ZNF148: variants seen among roughly 807,000 people sequenced by gnomAD.
ZNF148 encodes Beta-Enolase Repressor Factor-1.
In ZNF148, 7 loss-of-function variants were observed where a neutral mutation model predicts 67.7. The ratio of observed to expected loss-of-function variants is 0.10; its 90% CI spans 0.06 to 0.19. ZNF148 has a LOEUF of 0.19. Among genes scored for constraint, ZNF148 ranks in the 10% least tolerant of loss-of-function variants. ZNF148 has a pLI of 1.00. For synonymous variants in ZNF148, 333 were observed against 330.7 expected (o/e 1.01, Z -0.08); for missense variants, 583 against 947.1 (o/e 0.62, Z 5.05).
chr3:125,270,620 T>G (rs761230724), intron 7 of ZNF148, among the ~76,000 whole-genome samples: 4 of 152,214 alleles, frequency 2.6e-5, no homozygotes, highest in Non-Finnish European at 5.9e-5. Context: ...AAACTTATCT[T>G]GTTTCAGAGT....
intron 2 of ZNF148, among the ~76,000 whole-genome samples, chr3:125,324,926 C>T (rs532800100): frequency 2.7e-4 from 41 of 152,180 alleles, no homozygotes; most frequent in African/African-American, 8.9e-4. Flanking sequence ...TTGCCAGATA[C>T]ACTTTTGTGC....
chr3:125,320,099 A>G (rs1374672992), intron 3 of ZNF148, among the ~76,000 whole-genome samples: 1 of 152,132 alleles, frequency 6.6e-6, no homozygotes, highest in African/African-American at 2.4e-5. Context: ...TCTGTTACTC[A>G]TATCTCAGTG....
chr3:125,354,436 A>G (rs1017961420), intron 1 of ZNF148, among the ~76,000 whole-genome samples: 2 of 152,236 alleles, frequency 1.3e-5, no homozygotes, highest in Non-Finnish European at 2.9e-5. Context: ...TTTAAAAAAG[A>G]ACCCCATTGA....
At position 125,336,677 on chromosome 3, in the gene ZNF148, CT is replaced by C. The variant is rs71148176; in HGVS notation, c.-233-5440del. Among the ~76,000 whole-genome samples, 40 of 95,332 alleles carry C rather than the reference CT, an allele frequency of 4.2e-4. 1 individual carries two copies. Among genetic ancestry groups the C allele is most frequent in the East Asian group, 5.2e-4 (2 of 3,832 alleles). The allele number at this position is 95,332 out of a possible 152,430, so 62.5% of individuals were successfully genotyped here. A position where few individuals can be genotyped will look rare whatever the true frequency, so the allele number is the denominator to read the frequency against. On this transcript the variant is annotated intron_variant, in intron 1 of 8. Coordinates refer to ENST00000360647, the MANE Select transcript of ZNF148 (RefSeq NM_021964.3). ...TCAAACCAACCACCCCAGAAATCACCTTTTTTTTTTTTTTTTTTGAGATGTA... is the reference window on the plus strand; with the variant it reads ...TCAAACCAACCACCCCAGAAATCACCTTTTTTTTTTTTTTTTTGAGATGTA...
chr3:125,307,937 T>C (rs1200909279), intron 4 of ZNF148, among the ~76,000 whole-genome samples: 1 of 151,976 alleles, frequency 6.6e-6, no homozygotes, highest in East Asian at 1.9e-4. Flanking sequence ...TTACAGGCAT[T>C]AGCCACTGCA....
In ZNF148 at chr3:125,226,049, C is replaced by T. The variant is rs1027423260; in HGVS notation, c.*6292G>A. 6.6e-6 allele frequency: 1 copy of T among 152,504 alleles called. No individual in the cohort carries two copies. The highest frequency in any genetic ancestry group is 1.9e-4 in the East Asian group (1 of 5,198). The allele number at this position is 152,504 out of a possible 1,614,324, so 9.4% of individuals were successfully genotyped here. On this transcript the variant is annotated 3_prime_UTR_variant, in exon 9 of 9. Transcript: ENST00000360647. Reference sequence around the variant, plus strand: ...TAATGAAAGAAAAAAGAAAAGAAATCCCACGTATGCTGACAGTGGGTTAAC... The same window carrying T: ...TAATGAAAGAAAAAAGAAAAGAAATTCCACGTATGCTGACAGTGGGTTAAC...
At chr3:125,322,312 C>T (rs1302502202) in intron 3 of ZNF148, among the ~76,000 whole-genome samples, 1 of 151,390 alleles carries the variant, frequency 6.6e-6, no homozygotes, top group African/African-American at 2.4e-5. Context: ...AGGCCTGAGG[C>T]CATTTTTTTT....
chr3:125,259,740 C>T (rs1937251529), intron 7 of ZNF148, among the ~76,000 whole-genome samples: 1 of 152,134 alleles, frequency 6.6e-6, no homozygotes, highest in Non-Finnish European at 1.5e-5. Context: ...GGAAGGCAGA[C>T]CACTTGAGGT....
intron 1 of ZNF148, among the ~76,000 whole-genome samples, chr3:125,343,847 A>C (rs1368002618): frequency 6.6e-6 from 1 of 152,114 alleles, no homozygotes; most frequent in African/African-American, 2.4e-5. Context: ...TCATTCTTGA[A>C]GTTAGAGAGA....
intron 2 of ZNF148, among the ~76,000 whole-genome samples, chr3:125,328,437 TACTC>T (rs1941124554): frequency 6.6e-6 from 1 of 152,068 alleles, no homozygotes; most frequent in African/African-American, 2.4e-5. Context: ...GTGATGAAAA[TACTC>T]TAATTAGCCA....
rs999818515 is a variant in ZNF148, at chr3:125,229,103, C to T, written c.*3238G>A. The T allele has an allele frequency of 1.3e-5, 2 of 152,018 alleles. No homozygotes were observed. Among genetic ancestry groups the T allele is most frequent in the Admixed American group, 6.6e-5 (1 of 15,204 alleles). 9.4% of individuals were successfully genotyped at this position (152,018 alleles called of 1,614,324 possible). Reference sequence around the variant, plus strand: ...ATACTTCTCAATGATTATTATAGTGCTTCTTCAAGTAAATATACTGTGAAA... The same window carrying T: ...ATACTTCTCAATGATTATTATAGTGTTTCTTCAAGTAAATATACTGTGAAA... On this transcript the variant is annotated 3_prime_UTR_variant, in exon 9 of 9. Coordinates refer to ENST00000360647, the MANE Select transcript of ZNF148 (RefSeq NM_021964.3).
In ZNF148 at chr3:125,341,973, T is replaced by C. The variant is rs563381703; in HGVS notation, c.-233-10735A>G. ...ATCGTGCCACTAACTCCAGCCTGGG[T>C]GACAGAGCCACACTCTGTTTCGGGG... On this transcript the variant is annotated intron_variant, in intron 1 of 8. Transcript: ENST00000360647. Among the ~76,000 whole-genome samples, 56 of 120,090 alleles carry C rather than the reference T, an allele frequency of 4.7e-4. 1 individual carries two copies. The East Asian group carries it at 9.6e-3, about 20-fold the overall frequency. The allele number at this position is 120,090 out of a possible 152,430, so 78.8% of individuals were successfully genotyped here.
chr3:125,322,750 C>T (rs1446723432), intron 3 of ZNF148, among the ~76,000 whole-genome samples: 1 of 152,106 alleles, frequency 6.6e-6, no homozygotes, highest in Non-Finnish European at 1.5e-5. Flanking sequence ...CCTTTATAAG[C>T]CTCTGTCACA....
At chr3:125,276,377 C>G (rs1479407895) in intron 7 of ZNF148, among the ~76,000 whole-genome samples, 1 of 151,950 alleles carries the variant, frequency 6.6e-6, no homozygotes, top group African/African-American at 2.4e-5. Context: ...AGTAGAACAT[C>G]CAAGCATACA....
Position 125,313,301 on chromosome 3 carries a change from T to C in ZNF148, c.333+7A>G. 2 of 1,589,872 alleles carry C rather than the reference T, an allele frequency of 1.3e-6. No homozygotes were observed. The highest frequency in any genetic ancestry group is 1.7e-6 in the Non-Finnish European group (2 of 1,163,420). ...TAAGTTTAATATCTTATAAAGGAAT[T>C]ACTTACAGGGACATTAAGTGCATAC... is the stretch of plus-strand genomic sequence containing the variant. On this transcript the variant is annotated splice_region_variant and intron_variant, in intron 4 of 8. Coordinates refer to ENST00000360647, the MANE Select transcript of ZNF148 (RefSeq NM_021964.3).
At chr3:125,319,066 C>CAGT (rs1940653513) in intron 3 of ZNF148, among the ~76,000 whole-genome samples, 6 of 152,108 alleles carry the variant, frequency 3.9e-5, no homozygotes, top group African/African-American at 1.4e-4. Context: ...GTGTAAAAGC[C>CAGT]TAACTGCAGT....
intron 7 of ZNF148, among the ~76,000 whole-genome samples, chr3:125,266,694 G>C (rs35068331): frequency 0.035 from 5,337 of 151,928 alleles, 144 homozygotes; most frequent in South Asian, 0.083. Context: ...TAATCCCAAG[G>C]CTAACGGAAT....
At chr3:125,361,700 G>A (rs540896086) in intron 1 of ZNF148, among the ~76,000 whole-genome samples, 3 of 152,180 alleles carry the variant, frequency 2.0e-5, no homozygotes, top group Non-Finnish European at 2.9e-5. Flanking sequence ...CGGACATGGC[G>A]GCTCATGCCT....
intron 1 of ZNF148, among the ~76,000 whole-genome samples, chr3:125,335,973 T>G (rs1488192283): frequency 6.6e-6 from 1 of 152,230 alleles, no homozygotes; most frequent in African/African-American, 2.4e-5. Context: ...ACAAAAATTC[T>G]GTCAAGAATA....
Sources: gnomAD v4.1 joint callset for allele counts (sites outside exome capture counted in the v4.1 genomes callset) on GRCh38, gnomAD v4.1.1 for gene constraint, MANE v1.5 for transcripts, NCBI Gene and HGNC (gene_info 2026-07-23, HGNC 2026-07-21) for gene names.